Variants in RALGDS observed in about 807,000 individuals in gnomAD.
The protein encoded by RALGDS is ral guanine nucleotide dissociation stimulator.
In RALGDS, 44 loss-of-function variants were observed where a neutral mutation model predicts 99.8. That is an observed-to-expected ratio of 0.44 (90% CI 0.35 to 0.57). The LOEUF (loss-of-function observed/expected upper bound fraction) is 0.57, where lower values mean the gene tolerates loss of function less well. RALGDS is among the 20% of genes least tolerant of loss of function. The pLI is 0.01. For synonymous variants in RALGDS, 529 were observed against 505.0 expected, an observed-to-expected ratio of 1.05 and a Z score of -0.64; for missense variants, 1,022 against 1,203.1, an observed-to-expected ratio of 0.85 and a Z score of 2.23.
chr9:133,101,818 C>T, intron 15 of RALGDS, 56 bp from the exon 16 acceptor site: 1 of 1,558,930 alleles, frequency 6.4e-7, no homozygotes, highest in Non-Finnish European at 8.7e-7. Flanking sequence ...CACCCCAGGC[C>T]AGCTGCCAGA....
chr9:133,110,606 A>C (rs1013458387), intron 2 of RALGDS, 117 bp from the exon 3 acceptor site: 2 of 874,296 alleles, frequency 2.3e-6, no homozygotes, highest in Admixed American at 2.0e-5. Context: ...GAGTATCTCT[A>C]GCAGAAAAAG....
chr9:133,098,391 C>T lies in RALGDS; in HGVS notation c.*196G>A. 1.6e-6 allele frequency: 1 copy of T among 618,548 alleles called. No individual in the cohort carries two copies. The highest frequency in any genetic ancestry group is 2.8e-5 in the East Asian group (1 of 36,004). The allele number at this position is 618,548 out of a possible 1,614,324, so 38.3% of individuals were successfully genotyped here. A position where few individuals can be genotyped will look rare whatever the true frequency, so the allele number is the denominator to read the frequency against. ...TCCAGAGAGCAGAAGGCACCTAAGG[C>T]AGCGAGTGGTCCACGGGAGGCCAGG... On this transcript the variant is annotated 3_prime_UTR_variant, in exon 18 of 18. Transcript: ENST00000372050.
Position 133,102,839 on chromosome 9 carries a change from G to A in RALGDS, c.1853C>T (p.Ala618Val), listed in dbSNP as rs148643917. 4.3e-5 allele frequency: 69 copies of A among 1,613,670 alleles called. No homozygotes were observed. The highest frequency in any genetic ancestry group is 1.6e-4 in the Middle Eastern group (1 of 6,062). The change falls in exon 13 of 18, where the codon GCG (alanine) becomes GTG (valine). Residue 618 changes from alanine to valine, a missense_variant. By Grantham distance (64) the Ala-to-Val change is moderately conservative. Transcript: ENST00000372050. ...CCAGGCCCCAAATTGCTCATCTGGCGCGATGCTGTAGTTGTTGCAGGCCGA... is the reference window on the plus strand; with the variant it reads ...CCAGGCCCCAAATTGCTCATCTGGCACGATGCTGTAGTTGTTGCAGGCCGA... ...LQSACNNYSI[A>V]PDEQFGAWFR...
chr9:133,140,286 CCA>C (rs920400673), intron 1 of RALGDS, among the ~76,000 whole-genome samples: 168 of 152,236 alleles, frequency 1.1e-3, no homozygotes, highest in Admixed American at 2.1e-3. Context: ...GGGCACCCCC[CCA>C]CACACACATC....
At chr9:133,116,580 C>T (rs550261325) in intron 1 of RALGDS, among the ~76,000 whole-genome samples, 6 of 152,366 alleles carry the variant, frequency 3.9e-5, no homozygotes, top group Admixed American at 2.0e-4. Flanking sequence ...AGGGCCAGGC[C>T]CGGGAGGGGC....
chr9:133,141,361 A>T (rs569830116), intron 1 of RALGDS, among the ~76,000 whole-genome samples: 1 of 152,134 alleles, frequency 6.6e-6, no homozygotes, highest in Non-Finnish European at 1.5e-5. Flanking sequence ...TCCAGGCTGG[A>T]CACCCCTCAT....
At chr9:133,101,268 C>T in intron 16 of RALGDS, 1 of 1,359,018 alleles carries the variant, frequency 7.4e-7, no homozygotes, top group Non-Finnish European at 9.7e-7. Context: ...GGATACTTCC[C>T]TGACCTCACC....
chr9:133,135,069 G>T (rs2119259256), upstream of RALGDS, among the ~76,000 whole-genome samples: 1 of 152,258 alleles, frequency 6.6e-6, no homozygotes, highest in South Asian at 2.1e-4. Context: ...GTATCTCAAT[G>T]ACCTCCAGTT....
chr9:133,106,616 A>AGCCCTGTGGGAGGTCCCTGGTGCC, intron 8 of RALGDS, 29 bp downstream of exon 8: 1 of 1,529,494 alleles, frequency 6.5e-7, no homozygotes, highest in East Asian at 2.3e-5. Context: ...TCCCTGGTGC[A>AGCCCTGTGGGAGGTCCCTGGTGCC]CCAGGAGCTC....
At chr9:133,108,930 T>C (rs891099213) in intron 4 of RALGDS, 64 bp from the exon 5 acceptor site, 7 of 1,481,058 alleles carry the variant, frequency 4.7e-6, no homozygotes, top group African/African-American at 1.4e-5. Context: ...GCTGGGCTCC[T>C]GAGCCGGCCC....
At chr9:133,120,884 C>T in intron 1 of RALGDS, 88 bp downstream of exon 1, 8 of 1,326,018 alleles carry the variant, frequency 6.0e-6, no homozygotes, top group Non-Finnish European at 7.8e-6. Flanking sequence ...CGCCCGGCCC[C>T]GTCCGGGGCT....
At chr9:133,125,337 G>T (rs188078033), upstream of RALGDS, among the ~76,000 whole-genome samples, 1 of 152,216 alleles carries the variant, frequency 6.6e-6, no homozygotes, top group South Asian at 2.1e-4. Context: ...GCAGTGAGAG[G>T]TGAACAAGAG....
Position 133,127,871 on chromosome 9 carries a change from G to A in RALGDS, c.132+3081C>T, listed in dbSNP as rs548352990. Among the ~76,000 whole-genome samples, 315 of 152,338 alleles carry A rather than the reference G, an allele frequency of 2.1e-3. 1 individual carries two copies. The highest frequency in any genetic ancestry group is 7.2e-3 in the African/African-American group (300 of 41,584). On this transcript the variant is annotated intron_variant, in intron 1 of 17. Coordinates refer to the RALGDS transcript ENST00000372062. Reference sequence around the variant, plus strand: ...CAGCAACCCTCTGACCTCACGGGGCGCTGCCGTCCCAGCACAACCAGAACA... The same window carrying A: ...CAGCAACCCTCTGACCTCACGGGGCACTGCCGTCCCAGCACAACCAGAACA...
At chr9:133,110,199 C>T in intron 3 of RALGDS, 97 bp downstream of exon 3, 3 of 1,271,806 alleles carry the variant, frequency 2.4e-6, no homozygotes, top group South Asian at 2.4e-5. Context: ...CAAAGCGAGG[C>T]TCAGAGAGGT....
rs1588526146 is a variant in RALGDS, at chr9:133,108,660, C to T, written c.778+13G>A. The T allele has an allele frequency of 6.2e-7, 1 of 1,612,920 alleles. No individual in the cohort carries two copies. Among genetic ancestry groups the T allele is most frequent in the Non-Finnish European group, 8.5e-7 (1 of 1,179,876 alleles). On this transcript the variant is annotated intron_variant, in intron 5 of 17. Coordinates refer to ENST00000372050, the MANE Select transcript of RALGDS (RefSeq NM_006266.4). ...CTCATTCACCCTCTGGCACCCACCC[C>T]AGTCCTCCTCACCCTCAGGCTCTGC...
At chr9:133,102,392 C>T in intron 14 of RALGDS, 84 bp downstream of exon 14, 1 of 1,455,344 alleles carries the variant, frequency 6.9e-7, no homozygotes, top group Non-Finnish European at 9.6e-7. Context: ...GGGCCAGCCT[C>T]CCTGACTCCC....
rs991575164 is a variant in RALGDS at position 133,144,124 on chromosome 9, C to A, written c.18+4839G>T. Among the ~76,000 whole-genome samples, 2 of 152,194 alleles carry A rather than the reference C, an allele frequency of 1.3e-5. No individual in the cohort carries two copies. The highest frequency in any genetic ancestry group is 4.8e-5 in the African/African-American group (2 of 41,444). ...ACAGACAGCCCACCCGTGCCCAGGGCTGCCTTCCGAGCACCCGCAGACCTG... is the reference window on the plus strand; with the variant it reads ...ACAGACAGCCCACCCGTGCCCAGGGATGCCTTCCGAGCACCCGCAGACCTG... On this transcript the variant is annotated intron_variant, in intron 1 of 17. Coordinates refer to the RALGDS transcript ENST00000393160. This position sits in a 1 kb window ranked among gnomAD's most constrained non-coding sequence, Gnocchi z 4.5.
chr9:133,104,039 G>C (rs1443937897), intron 10 of RALGDS, among the ~76,000 whole-genome samples: 4 of 152,028 alleles, frequency 2.6e-5, no homozygotes, highest in African/African-American at 9.7e-5. Context: ...GTGGCCCCTG[G>C]CCCTCCCCAG....
intron 1 of RALGDS, among the ~76,000 whole-genome samples, chr9:133,137,195 T>C (rs1832441898): frequency 6.6e-6 from 1 of 151,566 alleles, no homozygotes; most frequent in East Asian, 1.9e-4. Context: ...ATCGTGCCAC[T>C]GCACTCCAGC....
Sources: allele counts gnomAD v4.1 joint callset (sites outside exome capture counted in the v4.1 genomes callset), GRCh38; gene constraint gnomAD v4.1.1; non-coding constraint Gnocchi (gnomAD v3.1); transcripts MANE v1.5; gene names NCBI Gene and HGNC (gene_info 2026-07-23, HGNC 2026-07-21).